CRTC3: variants seen among roughly 807,000 people sequenced by gnomAD.
The protein encoded by CRTC3 is CREB-regulated transcription coactivator 3.
A neutral mutation model predicts 74.5 loss-of-function variants in CRTC3; 26 were observed. That is an observed-to-expected ratio of 0.35 (90% CI 0.26 to 0.48). The LOEUF is 0.48. CRTC3 is among the 20% of genes least tolerant of loss of function. CRTC3 has a pLI of 0.99. For synonymous variants in CRTC3, 377 were observed against 325.8 expected, an observed-to-expected ratio of 1.16 and a Z score of -1.69; for missense variants, 760 against 787.3, an observed-to-expected ratio of 0.97 and a Z score of 0.41.
At chr15:90,598,681 C>T (rs1967993031) in intron 3 of CRTC3, 1 of 614,866 alleles carries the variant, frequency 1.6e-6, no homozygotes, top group Admixed American at 2.6e-5. Context: ...AGAATTTGAG[C>T]TGTCTTGGGT....
At chr15:90,565,046 G>A (rs921614302) in intron 2 of CRTC3, among the ~76,000 whole-genome samples, 9 of 152,124 alleles carry the variant, frequency 5.9e-5, no homozygotes, top group South Asian at 2.1e-4. Flanking sequence ...GGGTTCAAGC[G>A]ATTCTCCTGC....
intron 5 of CRTC3, 96 bp downstream of exon 5, chr15:90,604,543 T>A: frequency 1.0e-6 from 1 of 955,732 alleles, no homozygotes; most frequent in Non-Finnish European, 1.7e-6. Context: ...TGTGTTTATG[T>A]AAGCTGTGTT....
intron 2 of CRTC3, among the ~76,000 whole-genome samples, chr15:90,552,641 A>T (rs1334512004): frequency 1.3e-5 from 2 of 152,178 alleles, no homozygotes; most frequent in African/African-American, 2.4e-5. Context: ...TTAATCTATG[A>T]TTTGGGCATT....
chr15:90,617,764 C>CA lies in CRTC3; in HGVS notation c.614-117dup, dbSNP rs111569950. On this transcript the variant is annotated intron_variant, in intron 7 of 14. Transcript: ENST00000268184. ...CAGGCTTGTCTCAAACTCCTGGGCT[C>CA]AAGCGATCCTCCTGCCTCAGCCCCA... The CA allele has an allele frequency of 7.6e-3, 4,943 of 652,220 alleles. 176 individuals are homozygous for CA. In the African/African-American group the frequency reaches 0.078, roughly 10 times the overall value. 40.4% of individuals were successfully genotyped at this position (652,220 alleles called of 1,614,324 possible).
At chr15:90,563,141 C>T (rs1366870581) in intron 2 of CRTC3, among the ~76,000 whole-genome samples, 2 of 152,164 alleles carry the variant, frequency 1.3e-5, no homozygotes, top group Non-Finnish European at 2.9e-5. Flanking sequence ...CATGATGGCT[C>T]ATGCTTGTGA....
chr15:90,641,960 C>A lies in CRTC3; in HGVS notation c.1680C>A (p.Asp560Glu). 6.2e-7 allele frequency: 1 copy of A among 1,613,738 alleles called. No homozygotes were observed. The highest frequency in any genetic ancestry group is 1.7e-4 in the Middle Eastern group (1 of 6,034). The change falls in exon 15 of 15, where the codon GAC becomes GAA. Residue 560 changes from aspartate (D) to glutamate (E), a missense_variant. Asp to Glu is a conservative substitution (Grantham distance 45). Transcript: ENST00000268184. ...PEDSSTSLFK[D>E]LNSALAGLPE... ...ACTCCAGCACCAGCCTGTTCAAAGACCTCAACAGTGCGCTGGCAGGCCTGC... is the reference window on the plus strand; with the variant it reads ...ACTCCAGCACCAGCCTGTTCAAAGAACTCAACAGTGCGCTGGCAGGCCTGC...
chr15:90,593,333 G>A (rs1967843948), intron 2 of CRTC3, among the ~76,000 whole-genome samples: 1 of 152,054 alleles, frequency 6.6e-6, no homozygotes, highest in Admixed American at 6.6e-5. Flanking sequence ...GTCCTTTCTA[G>A]TTTTCTGGGA....
At chr15:90,613,360 G>T (rs1315197190) in intron 6 of CRTC3, among the ~76,000 whole-genome samples, 1 of 152,100 alleles carries the variant, frequency 6.6e-6, no homozygotes, top group Non-Finnish European at 1.5e-5. Context: ...GGTTCTGTGG[G>T]CCTGAAAGAA....
chr15:90,535,256 G>T (rs1018800734), intron 1 of CRTC3, among the ~76,000 whole-genome samples: 1 of 152,154 alleles, frequency 6.6e-6, no homozygotes, highest in East Asian at 1.9e-4. Flanking sequence ...GGAGGTGGAG[G>T]AGCTGGCCAA....
chr15:90,625,772 T>C lies in CRTC3; in HGVS notation c.750-4T>C, dbSNP rs773660226. 5.6e-6 allele frequency: 9 copies of C among 1,612,258 alleles called. No individual in the cohort carries two copies. The highest frequency in any genetic ancestry group is 7.6e-6 in the Non-Finnish European group (9 of 1,178,338). ...AAAGTCATTCTTAATCTTTCTTTTT[T>C]CAGTGCTTTTCCACATAATGGTCAA... is the stretch of plus-strand genomic sequence containing the variant. On this transcript the variant is annotated splice_polypyrimidine_tract_variant and splice_region_variant and intron_variant, in intron 9 of 14. Coordinates refer to ENST00000268184, the MANE Select transcript of CRTC3 (RefSeq NM_022769.5).
At chr15:90,569,374 C>T (rs1025180225) in intron 2 of CRTC3, among the ~76,000 whole-genome samples, 12 of 146,300 alleles carry the variant, frequency 8.2e-5, no homozygotes, top group African/African-American at 2.8e-4. Flanking sequence ...GGCCGAAGTG[C>T]AGTGGTGTGA....
intron 3 of CRTC3, 95 bp downstream of exon 3, chr15:90,593,850 A>C: frequency 7.6e-7 from 1 of 1,319,850 alleles, no homozygotes; most frequent in South Asian, 1.6e-5. Flanking sequence ...TTGGCCTCAG[A>C]ATCTTCATTT....
intron 2 of CRTC3, among the ~76,000 whole-genome samples, chr15:90,571,578 AG>A (rs1596091235): frequency 1.3e-5 from 2 of 152,162 alleles, no homozygotes; most frequent in African/African-American, 2.4e-5. Context: ...GGCGGTGTAA[AG>A]CTATTGGAAG....
intron 10 of CRTC3, 52 bp from the exon 11 acceptor site, chr15:90,629,182 C>T (rs376838097): frequency 2.6e-6 from 4 of 1,545,826 alleles, no homozygotes; most frequent in African/African-American, 2.7e-5. Flanking sequence ...TTTTGGAATA[C>T]AAAAGATTTG....
At chr15:90,557,069 C>A (rs1966907840) in intron 2 of CRTC3, among the ~76,000 whole-genome samples, 1 of 150,726 alleles carries the variant, frequency 6.6e-6, no homozygotes. Context: ...AGATGTTTGC[C>A]CCTTACTTGC....
chr15:90,555,690 G>C (rs1173370750), intron 2 of CRTC3, among the ~76,000 whole-genome samples: 2 of 151,960 alleles, frequency 1.3e-5, no homozygotes, highest in Non-Finnish European at 2.9e-5. Context: ...GTTAATTTTT[G>C]TATTTTTAAT....
At chr15:90,560,858 G>A (rs1407922826) in intron 2 of CRTC3, among the ~76,000 whole-genome samples, 2 of 152,200 alleles carry the variant, frequency 1.3e-5, no homozygotes, top group Non-Finnish European at 2.9e-5. Context: ...AAGCCGCTTG[G>A]GGGGTTCAAC....
intron 2 of CRTC3, among the ~76,000 whole-genome samples, chr15:90,588,766 A>G (rs895944992): frequency 2.6e-5 from 4 of 152,142 alleles, no homozygotes; most frequent in African/African-American, 9.7e-5. Flanking sequence ...CCTGACCACG[A>G]AAGGACTCTG....
chr15:90,533,171 A>T (rs1966659159), intron 1 of CRTC3, among the ~76,000 whole-genome samples: 1 of 143,774 alleles, frequency 7.0e-6, no homozygotes, highest in Non-Finnish European at 1.5e-5. Flanking sequence ...TGGAAGGCCG[A>T]GGCGGGCAGA....
Sources: gnomAD v4.1 joint callset for allele counts (sites outside exome capture counted in the v4.1 genomes callset) on GRCh38, gnomAD v4.1.1 for gene constraint, MANE v1.5 for transcripts, NCBI Gene and HGNC (gene_info 2026-07-23, HGNC 2026-07-21) for gene names.